FARP2: variants seen among roughly 807,000 people sequenced by gnomAD.
FARP2 encodes FERM, ARHGEF and pleckstrin domain-containing protein 2.
FARP2 carries 111 observed loss-of-function variants against 130.5 expected under a neutral mutation model. The observed-to-expected ratio is 0.85, with a 90% confidence interval of 0.73 to 1.00. The LOEUF is 1.00. Among genes scored for constraint, FARP2 ranks in the 50% least tolerant of loss-of-function variants. The pLI is 0.00. For synonymous variants in FARP2, 504 were observed against 516.9 expected (o/e 0.98, Z 0.34); for missense variants, 1,385 against 1,346.3 (o/e 1.03, Z -0.45).
chr2:241,431,637 G>A (rs1243934674), intron 8 of FARP2, 42 bp from the exon 9 acceptor site: 1 of 979,692 alleles, frequency 1.0e-6, no homozygotes, highest in South Asian at 1.3e-5. Flanking sequence ...AAGGGGTTAT[G>A]TGCCAGATAC....
chr2:241,471,835 T>C (rs6758824), intron 18 of FARP2, among the ~76,000 whole-genome samples: 1 of 145,838 alleles, frequency 6.9e-6, no homozygotes, highest in African/African-American at 2.5e-5. Flanking sequence ...GTGGGGCATC[T>C]TGTTCTTGTG....
intron 2 of FARP2, among the ~76,000 whole-genome samples, chr2:241,382,328 T>A (rs1293312845): frequency 5.3e-5 from 8 of 150,080 alleles, no homozygotes; most frequent in African/African-American, 2.0e-4. Flanking sequence ...AGGGTCTCAT[T>A]CTGTTGCCCA....
intron 8 of FARP2, among the ~76,000 whole-genome samples, chr2:241,418,583 A>T (rs189298664): frequency 6.6e-6 from 1 of 152,354 alleles, no homozygotes; most frequent in Non-Finnish European, 1.5e-5. Context: ...CTAGAATAGA[A>T]TAGAAAATAT....
chr2:241,362,677 C>T (rs2061215975), intron 1 of FARP2, among the ~76,000 whole-genome samples: 1 of 152,092 alleles, frequency 6.6e-6, no homozygotes, highest in Non-Finnish European at 1.5e-5. Flanking sequence ...AGGGGAAAGA[C>T]AGTTATTCCA....
At chr2:241,399,003 T>G (rs1386379961) in intron 2 of FARP2, among the ~76,000 whole-genome samples, 1 of 152,240 alleles carries the variant, frequency 6.6e-6, no homozygotes, top group Non-Finnish European at 1.5e-5. Context: ...TCCAAAGAGA[T>G]AATACAAATT....
chr2:241,493,330 A>G lies in FARP2; in HGVS notation c.2933A>G (p.Tyr978Cys), dbSNP rs1161733871. ...YPLASLPLLG[Y>C]SVSIPREADG... ...CTGGCCAGCCTCCCGCTGCTGGGCT[A>G]CAGCGTGAGCATCCCCAGGGAGGCC... Residue 978 changes from tyrosine to cysteine, a missense_variant, in exon 26 of 27, where the codon TAC (tyrosine) becomes TGC (cysteine). Coordinates refer to ENST00000264042, the MANE Select transcript of FARP2 (RefSeq NM_014808.4). 4 of 1,613,964 alleles carry G rather than the reference A, an allele frequency of 2.5e-6. No individual in the cohort carries two copies. Among genetic ancestry groups the G allele is most frequent in the Non-Finnish European group, 3.4e-6 (4 of 1,179,960 alleles).
At position 241,403,505 on chromosome 2, in the gene FARP2, C is replaced by T. The variant is rs114141141; in HGVS notation, c.184-323C>T. 5.8e-3 allele frequency among the ~76,000 whole-genome samples: 886 copies of T among 152,250 alleles called. 16 individuals are homozygous for T. Among genetic ancestry groups the T allele is most frequent in the African/African-American group, 0.02 (824 of 41,540 alleles). ...GGTATTATAGGCGTGAGCCACCGCA[C>T]CTGGTGTAAATATCGAAATTATTTG... On this transcript the variant is annotated intron_variant, in intron 2 of 26. Coordinates refer to ENST00000264042, the MANE Select transcript of FARP2 (RefSeq NM_014808.4).
intron 18 of FARP2, among the ~76,000 whole-genome samples, chr2:241,474,520 G>A (rs1011930991): frequency 6.6e-6 from 1 of 151,632 alleles, no homozygotes; most frequent in African/African-American, 2.4e-5. Context: ...GCCGGGCATG[G>A]TGGGTCACGC....
chr2:241,483,802 G>A (rs2124887476), intron 20 of FARP2: 1 of 985,448 alleles, frequency 1.0e-6, no homozygotes, highest in Non-Finnish European at 1.2e-6. Context: ...ACAAACAGAA[G>A]CCAAAAGATT....
chr2:241,431,601 A>G, intron 8 of FARP2, 78 bp from the exon 9 acceptor site: 1 of 751,620 alleles, frequency 1.3e-6, no homozygotes, highest in Non-Finnish European at 2.3e-6. Context: ...CAAGGATGTA[A>G]TTTAAGCATT....
chr2:241,446,774 G>T (rs914636122), intron 13 of FARP2: 5 of 152,172 alleles, frequency 3.3e-5, no homozygotes, highest in African/African-American at 1.2e-4. Flanking sequence ...ATCTGCTGTG[G>T]TCTCCCTTTG....
rs1553709361 is a variant in FARP2 at position 241,382,290 on chromosome 2, C to CTTT, written c.183+9001_183+9002insTTT. ...TATTTTCAGTTTCTCTGTACAAAAT[C>CTTT]TATTTTTTTTTTTTTTTTTTTTGAG... On this transcript the variant is annotated intron_variant, in intron 2 of 26. Transcript: ENST00000264042. 7.1e-5 allele frequency among the ~76,000 whole-genome samples: 9 copies of CTTT among 127,204 alleles called. 1 individual carries two copies. Among genetic ancestry groups the CTTT allele is most frequent in the African/African-American group, 2.5e-4 (9 of 36,210 alleles). The allele number at this position is 127,204 out of a possible 152,430, so 83.5% of individuals were successfully genotyped here. A position where few individuals can be genotyped will look rare whatever the true frequency, so the allele number is the denominator to read the frequency against.
intron 14 of FARP2, among the ~76,000 whole-genome samples, chr2:241,458,376 G>A (rs1221931125): frequency 6.6e-6 from 1 of 152,162 alleles, no homozygotes; most frequent in Non-Finnish European, 1.5e-5. Flanking sequence ...AGGATATTCT[G>A]TCCAAGGCCT....
At chr2:241,421,168 C>A (rs1023582109) in intron 8 of FARP2, among the ~76,000 whole-genome samples, 1 of 152,150 alleles carries the variant, frequency 6.6e-6, no homozygotes, top group Non-Finnish European at 1.5e-5. Flanking sequence ...TGTTTGCAAC[C>A]CACAGATCAG....
intron 11 of FARP2, among the ~76,000 whole-genome samples, chr2:241,435,270 G>T (rs374765743): frequency 7.8e-4 from 103 of 132,740 alleles, no homozygotes; most frequent in Middle Eastern, 3.9e-3. Context: ...AGTTTTTTTT[G>T]TTTTTTTTTT....
intron 5 of FARP2, among the ~76,000 whole-genome samples, chr2:241,409,737 T>C (rs927441664): frequency 2.6e-5 from 4 of 152,156 alleles, no homozygotes; most frequent in African/African-American, 9.7e-5. Context: ...GAACTGTAGG[T>C]TGATTTTTCC....
chr2:241,401,823 C>T (rs2062174276), intron 2 of FARP2, among the ~76,000 whole-genome samples: 1 of 151,460 alleles, frequency 6.6e-6, no homozygotes, highest in Non-Finnish European at 1.5e-5. Flanking sequence ...TCGCTCGTCG[C>T]CCAGGCTGGA....
chr2:241,433,159 C>T (rs1430257225), intron 9 of FARP2, among the ~76,000 whole-genome samples: 1 of 151,748 alleles, frequency 6.6e-6, no homozygotes, highest in East Asian at 1.9e-4. Flanking sequence ...TGCAGTTATT[C>T]GAGATGATAG....
chr2:241,363,056 G>A (rs1217249343), intron 1 of FARP2, among the ~76,000 whole-genome samples: 1 of 152,202 alleles, frequency 6.6e-6, no homozygotes, highest in Non-Finnish European at 1.5e-5. Flanking sequence ...GGTAACAGGC[G>A]GATGGGAGAG....
Sources: gnomAD v4.1 joint callset for allele counts (sites outside exome capture counted in the v4.1 genomes callset) on GRCh38, gnomAD v4.1.1 for gene constraint, MANE v1.5 for transcripts, NCBI Gene and HGNC (gene_info 2026-07-23, HGNC 2026-07-21) for gene names.